The following MSMO1 variants were observed in gnomAD, a reference collection of about 807,000 sequenced individuals.
MSMO1 encodes the protein C-4 methylsterol oxidase.
Under a neutral mutation model 30.4 loss-of-function variants are expected in MSMO1, and 18 were observed. The observed-to-expected ratio is 0.59, with a 90% confidence interval of 0.41 to 0.88. The LOEUF is 0.88. Among genes scored for constraint, MSMO1 ranks in the 40% least tolerant of loss-of-function variants. The pLI, the probability that MSMO1 is intolerant of heterozygous loss-of-function variation, is 0.00. For missense variants in MSMO1, 284 were observed against 340.5 expected (o/e 0.83, Z 1.31); for synonymous variants, 84 against 107.9 (o/e 0.78, Z 1.37).
chr4:165,340,407 A>G (rs772186774), intron 5 of MSMO1, 32 bp downstream of exon 5: 3 of 1,544,506 alleles, frequency 1.9e-6, no homozygotes, highest in South Asian at 1.1e-5. Context: ...GGTATAAAGC[A>G]TAATGAAATA....
In MSMO1 at chr4:165,337,839, C is replaced by T. The variant is rs369845281; in HGVS notation, c.306C>T (p.Leu102=). The stretch of plus-strand genomic sequence containing the variant: ...AATGGAAGTGTTTCAAAGTTCTTCT[C>T]TTTAATCACTTCTGTATCCAGCTGC... ...ENQWKCFKVL[L]FNHFCIQLPL... Residue 102 remains leucine (L), a synonymous_variant, in exon 3 of 6, where the codon CTC becomes CTT. Transcript: ENST00000261507. The T allele has an allele frequency of 4.3e-6, 7 of 1,613,330 alleles. No homozygotes were observed. The highest frequency in any genetic ancestry group is 3.3e-5 in the Admixed American group (2 of 59,972).
chr4:165,339,096 CTTTTTTTTTTTTTTT>C (rs869192459), intron 4 of MSMO1, among the ~76,000 whole-genome samples: 2 of 60,520 alleles, frequency 3.3e-5, no homozygotes, highest in African/African-American at 1.3e-4. Context: ...ATGAGCACTG[CTTTTTTTTTTTTTTT>C]TTTTTTTTTT....
Position 165,333,772 on chromosome 4 carries a change from A to G in MSMO1, c.255+147A>G. On this transcript the variant is annotated intron_variant, in intron 2 of 5. Transcript: ENST00000261507. ...ATGTAATTTTAAATTTTCTAGTAGA[A>G]TACATAGAAAAGGTAAAAAGAAATA... 4 of 911,788 alleles carry G rather than the reference A, an allele frequency of 4.4e-6. No homozygotes were observed. The South Asian group carries it at 6.8e-5, about 16-fold the overall frequency. The allele number at this position is 911,788 out of a possible 1,614,324, so 56.5% of individuals were successfully genotyped here. A position where few individuals can be genotyped will look rare whatever the true frequency, so the allele number is the denominator to read the frequency against.
chr4:165,334,073 G>C (rs1410624139), intron 2 of MSMO1, among the ~76,000 whole-genome samples: 3 of 152,164 alleles, frequency 2.0e-5, no homozygotes, highest in African/African-American at 7.2e-5. Flanking sequence ...GACAGAGTGA[G>C]ACCTTGTCTC....
In MSMO1 at chr4:165,338,727, ACAC is replaced by A. The variant is rs757442206; in HGVS notation, c.484_486del (p.His162del). Reference sequence around the variant, plus strand: ...GGCACTATTTTCTGCATAGACTCTTACACCACAAAAGAATATACAAGTATATTC... The same window carrying A: ...GGCACTATTTTCTGCATAGACTCTTACACAAAAGAATATACAAGTATATTC... On this transcript the variant is annotated inframe_deletion, in exon 4 of 6. Transcript: ENST00000261507. 2 of 1,597,302 alleles carry A rather than the reference ACAC, an allele frequency of 1.3e-6. No individual in the cohort carries two copies. Among genetic ancestry groups the A allele is most frequent in the Non-Finnish European group, 1.7e-6 (2 of 1,164,858 alleles).
rs1390155422 is a variant in MSMO1, at chr4:165,329,049, G to T, written c.-32+1285G>T. Among the ~76,000 whole-genome samples the T allele has an allele frequency of 2.6e-5, 4 of 152,112 alleles. No homozygotes were observed. In the East Asian group the frequency reaches 7.7e-4, roughly 29 times the overall value. ...TTAGATCCTGGAGTTTAGGGGAGAG[G>T]GCTAGAGATAGAGATGATGGATGTC... On this transcript the variant is annotated intron_variant, in intron 1 of 5. Transcript: ENST00000261507.
At chr4:165,329,625 A>ATTTTTTTTTTTTTTTTTTTTTTT (rs1171733863) in intron 1 of MSMO1, among the ~76,000 whole-genome samples, 1 of 68,004 alleles carries the variant, frequency 1.5e-5, no homozygotes, top group African/African-American at 6.6e-5. Context: ...ATCCATAGCG[A>ATTTTTTTTTTTTTTTTTTTTTTT]TTTTTTTTTT....
chr4:165,328,888 C>T (rs536498834), intron 1 of MSMO1, among the ~76,000 whole-genome samples: 1 of 152,132 alleles, frequency 6.6e-6, no homozygotes, highest in Non-Finnish European at 1.5e-5. Flanking sequence ...AACGTTATGT[C>T]TGAGAATTAG....
chr4:165,342,896 A>AGGC lies in MSMO1; in HGVS notation c.*951_*953dup, dbSNP rs1442035141. 6.6e-6 allele frequency: 1 copy of AGGC among 152,560 alleles called. No individual in the cohort carries two copies. Among genetic ancestry groups the AGGC allele is most frequent in the Non-Finnish European group, 1.5e-5 (1 of 68,046 alleles). The allele number at this position is 152,560 out of a possible 1,614,324, so 9.5% of individuals were successfully genotyped here. A position where few individuals can be genotyped will look rare whatever the true frequency, so the allele number is the denominator to read the frequency against. ...ATGTAAGTGGAGTATTTTAGTCTAA[A>AGGC]GGCTTTTCAAATTACTTGAATTTTT... On this transcript the variant is annotated 3_prime_UTR_variant, in exon 6 of 6. Coordinates refer to ENST00000261507, the MANE Select transcript of MSMO1 (RefSeq NM_006745.5).
chr4:165,333,731 A>T lies in MSMO1; in HGVS notation c.255+106A>T, dbSNP rs576635575. ...AGGCTAAAGCAGTGATATCCAATAG[A>T]AATATGAAGCCACGTATGTAATTTT... On this transcript the variant is annotated intron_variant, in intron 2 of 5. Coordinates refer to ENST00000261507, the MANE Select transcript of MSMO1 (RefSeq NM_006745.5). The T allele has an allele frequency of 9.0e-6, 11 of 1,217,664 alleles. No individual in the cohort carries two copies. The East Asian group carries it at 2.7e-4, about 30-fold the overall frequency. The allele number at this position is 1,217,664 out of a possible 1,614,324, so 75.4% of individuals were successfully genotyped here. A position where few individuals can be genotyped will look rare whatever the true frequency, so the allele number is the denominator to read the frequency against.
intron 3 of MSMO1, among the ~76,000 whole-genome samples, chr4:165,338,302 ATG>A (rs201010506): frequency 0.49 from 32,231 of 65,708 alleles, 4,302 homozygotes; most frequent in Non-Finnish European, 0.54. Flanking sequence ...AAAAATATGT[ATG>A]TGTATATATA....
In MSMO1 at chr4:165,333,364, T is replaced by C. The variant is rs1293100959; in HGVS notation, c.-7T>C. On this transcript the variant is annotated 5_prime_UTR_variant, in exon 2 of 6. Transcript: ENST00000261507. ...GAATTATAAGGCTGTCTGCAGAGAT[T>C]TGAAAAATGGCAACAAATGAAAGTG... 1.1e-5 allele frequency: 18 copies of C among 1,611,534 alleles called. No homozygotes were observed. The highest frequency in any genetic ancestry group is 1.3e-5 in the African/African-American group (1 of 74,850).
At chr4:165,341,592 T>C (rs2126629521) in intron 5 of MSMO1, among the ~76,000 whole-genome samples, 159 bp from the exon 6 acceptor site, 1 of 152,308 alleles carries the variant, frequency 6.6e-6, no homozygotes, top group South Asian at 2.1e-4. Flanking sequence ...ATATACACCA[T>C]TTTCTGTGTT....
chr4:165,337,283 T>A (rs938923118), intron 2 of MSMO1, among the ~76,000 whole-genome samples: 1 of 152,190 alleles, frequency 6.6e-6, no homozygotes, highest in Admixed American at 6.5e-5. Context: ...TCAGGACATA[T>A]CTGTGTACTT....
rs923896030 is a variant in MSMO1 at position 165,341,963 on chromosome 4, T to C, written c.*17T>C. On this transcript the variant is annotated 3_prime_UTR_variant, in exon 6 of 6. Coordinates refer to ENST00000261507, the MANE Select transcript of MSMO1 (RefSeq NM_006745.5). ...ACTGAATAAATATCTCACGTAAACC[T>C]TCCTGAAAGATAAACGTTTTCCTGA... The C allele has an allele frequency of 1.3e-6, 2 of 1,586,338 alleles. No homozygotes were observed. The highest frequency in any genetic ancestry group is 1.7e-6 in the Non-Finnish European group (2 of 1,156,552).
chr4:165,338,019 ATTTTAG>A lies in MSMO1; in HGVS notation c.404+85_404+90del, dbSNP rs1221928356. ...TACTTAATGTTTACCCGTTTTCTTAATTTTAGTTAATGTTTGTTCTAAACTTTGGAA... is the reference window on the plus strand; with the variant it reads ...TACTTAATGTTTACCCGTTTTCTTAATTAATGTTTGTTCTAAACTTTGGAA... On this transcript the variant is annotated intron_variant, in intron 3 of 5. Transcript: ENST00000261507. The A allele has an allele frequency of 3.4e-5, 44 of 1,286,312 alleles. 1 individual carries two copies. The highest frequency in any genetic ancestry group is 5.0e-4 in the Middle Eastern group (2 of 3,994). 79.7% of individuals were successfully genotyped at this position (1,286,312 alleles called of 1,614,324 possible). A position where few individuals can be genotyped will look rare whatever the true frequency, so the allele number is the denominator to read the frequency against.
At chr4:165,331,303 C>CAA (rs1007089608) in intron 1 of MSMO1, among the ~76,000 whole-genome samples, 1 of 116,840 alleles carries the variant, frequency 8.6e-6, no homozygotes, top group Non-Finnish European at 1.8e-5. Flanking sequence ...GACCCTGTCT[C>CAA]AAAAAAAAAG....
chr4:165,338,715 G>T lies in MSMO1; in HGVS notation c.468G>T (p.Leu156=), dbSNP rs1747630879. 5 of 1,601,846 alleles carry T rather than the reference G, an allele frequency of 3.1e-6. No individual in the cohort carries two copies. The highest frequency in any genetic ancestry group is 4.3e-6 in the Non-Finnish European group (5 of 1,169,140). ...AVIEDTWHYF[L]HRLLHHKRIY... The stretch of plus-strand genomic sequence containing the variant: ...TTGAAGATACTTGGCACTATTTTCT[G>T]CATAGACTCTTACACCACAAAAGAA... Residue 156 remains leucine, a synonymous_variant, in exon 4 of 6, where the codon CTG becomes CTT. Transcript: ENST00000261507.
At chr4:165,340,532 A>G in intron 5 of MSMO1, 157 bp downstream of exon 5, 1 of 681,442 alleles carries the variant, frequency 1.5e-6, no homozygotes, top group East Asian at 2.7e-5. Flanking sequence ...TTTAAATAAT[A>G]GATGTTTTTA....
Sources: allele counts gnomAD v4.1 joint callset (sites outside exome capture counted in the v4.1 genomes callset), GRCh38; gene constraint gnomAD v4.1.1; transcripts MANE v1.5; gene names NCBI Gene and HGNC (gene_info 2026-07-23, HGNC 2026-07-21).